The following ADAMTS6 variants were observed in gnomAD, a reference collection of about 807,000 sequenced individuals.
The protein encoded by ADAMTS6 is A disintegrin and metalloproteinase with thrombospondin motifs 6.
A neutral mutation model predicts 144.3 loss-of-function variants in ADAMTS6; 23 were observed. The observed-to-expected ratio is 0.16, with a 90% CI of 0.11 to 0.23. ADAMTS6 has a LOEUF of 0.23. Ranked by LOEUF, ADAMTS6 falls within the 10% of genes least tolerant of loss-of-function variation. ADAMTS6 has a pLI of 1.00. For synonymous variants in ADAMTS6, 444 were observed against 457.5 expected (o/e 0.97, Z 0.38); for missense variants, 999 against 1,379.6 (o/e 0.72, Z 4.37).
At position 65,310,381 on chromosome 5, in the gene ADAMTS6, C is replaced by T. The variant is rs556086781; in HGVS notation, c.1224-10250G>A. On this transcript the variant is annotated intron_variant, in intron 9 of 24. Coordinates refer to ENST00000381055, the MANE Select transcript of ADAMTS6 (RefSeq NM_197941.4). ...TCTCTACAAAAAATCAAAAAGTTAG[C>T]CAGGTATGGTAGCACATGCCTATGG... 3.9e-5 allele frequency among the ~76,000 whole-genome samples: 6 copies of T among 152,160 alleles called. No homozygotes were observed. In the East Asian group the frequency reaches 1.2e-3, roughly 29 times the overall value.
chr5:65,422,451 G>A (rs894344900), intron 7 of ADAMTS6, among the ~76,000 whole-genome samples: 1 of 152,136 alleles, frequency 6.6e-6, no homozygotes, highest in Non-Finnish European at 1.5e-5. Context: ...GTGAAACCCT[G>A]TTGCTACTAA....
At chr5:65,240,496 C>T (rs1429645525) in intron 15 of ADAMTS6, among the ~76,000 whole-genome samples, 1 of 152,048 alleles carries the variant, frequency 6.6e-6, no homozygotes, top group African/African-American at 2.4e-5. Flanking sequence ...CCCCCAAAAC[C>T]CGTATGTTGA....
rs757410929 is a variant in ADAMTS6, at chr5:65,260,657, T to C, written c.1773A>G (p.Ser591=). 2.5e-5 allele frequency: 41 copies of C among 1,612,998 alleles called. No homozygotes were observed. The highest frequency in any genetic ancestry group is 3.2e-5 in the Non-Finnish European group (38 of 1,179,418). ...SLRHCDSPAP[S]GGGKYCLGER... ...CCCCAAGGCAATATTTTCCACCTCC[T>C]GAAGGTCTGAAAAAACATTGTGTTT... Residue 591 remains serine (S), a synonymous_variant, in exon 14 of 25, where the codon TCA becomes TCG. Transcript: ENST00000381055.
chr5:65,384,385 G>C (rs1373023560), intron 7 of ADAMTS6, among the ~76,000 whole-genome samples: 1 of 152,080 alleles, frequency 6.6e-6, no homozygotes, highest in African/African-American at 2.4e-5. Context: ...TCAACACTTT[G>C]CTTAGATATT....
chr5:65,302,840 T>C (rs1743573945), intron 9 of ADAMTS6, among the ~76,000 whole-genome samples: 3 of 152,146 alleles, frequency 2.0e-5, no homozygotes, highest in Admixed American at 2.0e-4. Flanking sequence ...CATGTTAAGA[T>C]AGGTGTGTAG....
chr5:65,473,175 A>G (rs1209069563), intron 2 of ADAMTS6, among the ~76,000 whole-genome samples: 1 of 152,158 alleles, frequency 6.6e-6, no homozygotes, highest in Non-Finnish European at 1.5e-5. Context: ...ATTTTTTCAC[A>G]AAGGGTCCAT....
At chr5:65,437,389 C>G (rs556949681) in intron 7 of ADAMTS6, among the ~76,000 whole-genome samples, 4 of 152,004 alleles carry the variant, frequency 2.6e-5, no homozygotes, top group African/African-American at 9.7e-5. Flanking sequence ...CCACCACACT[C>G]GGCCCCGGAA....
intron 7 of ADAMTS6, among the ~76,000 whole-genome samples, chr5:65,429,133 G>A (rs971340134): frequency 6.6e-6 from 1 of 152,138 alleles, no homozygotes; most frequent in Non-Finnish European, 1.5e-5. Flanking sequence ...AAACCTAACT[G>A]ACCTTTCCCT....
At chr5:65,257,468 C>T (rs891189186) in intron 14 of ADAMTS6, among the ~76,000 whole-genome samples, 1 of 152,046 alleles carries the variant, frequency 6.6e-6, no homozygotes, top group African/African-American at 2.4e-5. Flanking sequence ...AATTTATTCC[C>T]TGTTAGCCCT....
At chr5:65,405,239 G>C (rs1754342067) in intron 7 of ADAMTS6, among the ~76,000 whole-genome samples, 1 of 152,158 alleles carries the variant, frequency 6.6e-6, no homozygotes, top group Non-Finnish European at 1.5e-5. Context: ...ATCCTGAATG[G>C]TACTGCCTAG....
At chr5:65,187,325 G>T (rs1312267245) in intron 22 of ADAMTS6, among the ~76,000 whole-genome samples, 1 of 152,038 alleles carries the variant, frequency 6.6e-6, no homozygotes, top group Admixed American at 6.6e-5. Flanking sequence ...AGTGGCTCTG[G>T]ATTTTATTAG....
In ADAMTS6 at chr5:65,226,224, A is replaced by T. The variant is rs1454692809; in HGVS notation, c.1934-5T>A. On this transcript the variant is annotated splice_polypyrimidine_tract_variant and splice_region_variant and intron_variant, in intron 15 of 24. Coordinates refer to ENST00000381055, the MANE Select transcript of ADAMTS6 (RefSeq NM_197941.4). The stretch of plus-strand genomic sequence containing the variant: ...ATGCACAAGGTTTTACCCCACCTGG[A>T]CAAATACAGTAGAAGAGAAATAAGT... The T allele has an allele frequency of 3.7e-6, 6 of 1,612,558 alleles. No homozygotes were observed. In the Admixed American group the frequency reaches 1.0e-4, roughly 27 times the overall value.
At chr5:65,395,132 C>T (rs777682303) in intron 7 of ADAMTS6, among the ~76,000 whole-genome samples, 4 of 152,114 alleles carry the variant, frequency 2.6e-5, no homozygotes, top group Non-Finnish European at 5.9e-5. Context: ...ATACTCTAAT[C>T]ACTGACCATG....
In ADAMTS6 at chr5:65,214,823, C is replaced by T; in HGVS notation, c.2546G>A (p.Trp849Ter). Residue 849 changes from tryptophan to a stop codon, truncating the protein, a stop_gained, in exon 20 of 25, where the codon TGG becomes TAG. Transcript: ENST00000381055. LOFTEE classifies it high-confidence loss of function. The surrounding 1 kb of genome is among the most constrained non-coding windows in gnomAD (Gnocchi z 4.6). ...AGCACAAGTAGCTGAGCATTCTGAC[C>T]AAGGCTGATGATTCCATGTAAAGCC... ...EVGFTWNHQP[W>*]SECSATCAGG... is the part of the protein sequence containing the mutation. 6.2e-7 allele frequency: 1 copy of T among 1,614,032 alleles called. No homozygotes were observed. Among genetic ancestry groups the T allele is most frequent in the Non-Finnish European group, 8.5e-7 (1 of 1,179,996 alleles).
chr5:65,310,202 C>T (rs1355043216), intron 9 of ADAMTS6, among the ~76,000 whole-genome samples: 7 of 151,846 alleles, frequency 4.6e-5, no homozygotes, highest in Admixed American at 4.6e-4. Flanking sequence ...TGGAGGCCTC[C>T]CCAGAAGCCA....
At position 65,196,919 on chromosome 5, in the gene ADAMTS6, C is replaced by T. The variant is rs536608459; in HGVS notation, c.2705+103G>A. 27 of 1,366,958 alleles carry T rather than the reference C, an allele frequency of 2.0e-5. No individual in the cohort carries two copies. In the African/African-American group the frequency reaches 3.6e-4, roughly 18 times the overall value. 84.7% of individuals were successfully genotyped at this position (1,366,958 alleles called of 1,614,324 possible). A position where few individuals can be genotyped will look rare whatever the true frequency, so the allele number is the denominator to read the frequency against. On this transcript the variant is annotated intron_variant, in intron 21 of 24. Coordinates refer to ENST00000381055, the MANE Select transcript of ADAMTS6 (RefSeq NM_197941.4). ...CAGGATGTTTTCTACCTTTTTTCAG[C>T]CTAATTTATTCTCATCATATAAATA...
chr5:65,275,287 A>C (rs1174616763), intron 11 of ADAMTS6, among the ~76,000 whole-genome samples: 1 of 146,722 alleles, frequency 6.8e-6, no homozygotes, highest in African/African-American at 2.5e-5. Context: ...AAAGGAAGGA[A>C]GGAAGTTAGG....
intron 12 of ADAMTS6, among the ~76,000 whole-genome samples, chr5:65,268,647 T>C (rs1370526989): frequency 1.3e-5 from 2 of 152,184 alleles, no homozygotes; most frequent in African/African-American, 4.8e-5. Context: ...TTGAATGGCT[T>C]ATTCAGGCGA....
Position 65,471,003 on chromosome 5 carries a change from C to T in ADAMTS6, c.237G>A (p.Gln79=). ...TAAAAAATAACTTAGATACTGCCTG[C>T]TGTGGATCAATAGGGTCCATACTCC... ...RRRSMDPIDP[Q]QAVSKLFFKL... The change falls in exon 3 of 25, where the codon CAG becomes CAA. Residue 79 remains glutamine (Q), a synonymous_variant. Coordinates refer to ENST00000381055, the MANE Select transcript of ADAMTS6 (RefSeq NM_197941.4). The T allele has an allele frequency of 6.2e-7, 1 of 1,613,016 alleles. No individual in the cohort carries two copies. The highest frequency in any genetic ancestry group is 8.5e-7 in the Non-Finnish European group (1 of 1,179,622).
Sources: allele counts gnomAD v4.1 joint callset (sites outside exome capture counted in the v4.1 genomes callset), GRCh38; gene constraint gnomAD v4.1.1; non-coding constraint Gnocchi (gnomAD v3.1); transcripts MANE v1.5; gene names NCBI Gene and HGNC (gene_info 2026-07-23, HGNC 2026-07-21).